Variants in TENM4 observed in about 807,000 individuals in gnomAD.
TENM4 encodes the protein teneurin-4.
In TENM4, 82 loss-of-function variants were observed where a neutral mutation model predicts 243.3. The observed-to-expected ratio is 0.34, with a 90% CI of 0.28 to 0.40. The LOEUF is 0.40. Among genes scored for constraint, TENM4 ranks in the 10% least tolerant of loss-of-function variants. The pLI is 1.00. For synonymous variants in TENM4, 1,412 were observed against 1,456.3 expected (o/e 0.97, Z 0.69); for missense variants, 3,138 against 3,673.3 (o/e 0.85, Z 3.77).
At chr11:79,259,501 GCATC>G (rs148800752) in intron 2 of TENM4, among the ~76,000 whole-genome samples, 21,957 of 148,238 alleles carry the variant, frequency 0.15, 1,727 homozygotes, top group African/African-American at 0.23. Flanking sequence ...ATCTATCCAT[GCATC>G]CATCCATCCA....
intron 1 of TENM4, among the ~76,000 whole-genome samples, chr11:79,345,315 C>T (rs988468077): frequency 3.9e-5 from 6 of 152,170 alleles, no homozygotes; most frequent in Non-Finnish European, 7.3e-5. Flanking sequence ...CCTGAATTTA[C>T]GTGACATTAT....
At chr11:78,659,102 ACAT>A (rs1857972383) in intron 33 of TENM4, among the ~76,000 whole-genome samples, 1 of 152,172 alleles carries the variant, frequency 6.6e-6, no homozygotes, top group Non-Finnish European at 1.5e-5. Context: ...AATGAATCAG[ACAT>A]CATCCTTGCT....
intron 2 of TENM4, among the ~76,000 whole-genome samples, chr11:79,227,345 G>A (rs1191846438): frequency 6.6e-6 from 1 of 152,134 alleles, no homozygotes; most frequent in Non-Finnish European, 1.5e-5. Context: ...TAGCTGTTTT[G>A]TCAACTGTTT....
intron 4 of TENM4, among the ~76,000 whole-genome samples, chr11:79,135,731 G>C (rs373923486): frequency 1.5e-5 from 2 of 133,756 alleles, no homozygotes; most frequent in African/African-American, 5.5e-5. Context: ...ATACATATAT[G>C]ATATATACAT....
At chr11:78,787,224 T>C in intron 15 of TENM4, 141 bp from the exon 16 acceptor site, 1 of 977,492 alleles carries the variant, frequency 1.0e-6, no homozygotes, top group Admixed American at 2.9e-5. Context: ...CTTGGCTACA[T>C]ACCTGGGCTT....
At chr11:79,102,452 G>A (rs371538955) in intron 4 of TENM4, among the ~76,000 whole-genome samples, 1 of 152,154 alleles carries the variant, frequency 6.6e-6, no homozygotes, top group East Asian at 1.9e-4. Flanking sequence ...ATATACTCTG[G>A]CTCCTGGAGA....
At chr11:79,400,274 C>T in intron 1 of TENM4, among the ~76,000 whole-genome samples, 1 of 151,910 alleles carries the variant, frequency 6.6e-6, no homozygotes, top group Non-Finnish European at 1.5e-5. Flanking sequence ...AATCCAGTCA[C>T]TGCAACTTTC....
At chr11:78,876,727 ATCTGGCTTTGTCTGCTCC>A (rs1358463834) in intron 9 of TENM4, among the ~76,000 whole-genome samples, 5 of 152,194 alleles carry the variant, frequency 3.3e-5, no homozygotes, top group African/African-American at 2.4e-5. Context: ...ACGCTAGCTT[ATCTGGCTTTGTCTGCTCC>A]TCACAGCCTG....
chr11:79,037,407 C>G (rs1859416705), intron 6 of TENM4, among the ~76,000 whole-genome samples: 1 of 152,236 alleles, frequency 6.6e-6, no homozygotes, highest in Admixed American at 6.5e-5. Flanking sequence ...TCTTATGCAT[C>G]TGGAGGGTCT....
rs531094912 is a variant in TENM4 at position 78,720,246 on chromosome 11, C to T, written c.3821+124G>A. ...TTCCTCCCATTGCAACTGATTACCC[C>T]AATCAGTTCCAATCACACAGGATTC... On this transcript the variant is annotated intron_variant, in intron 25 of 33. Transcript: ENST00000278550. The T allele has an allele frequency of 4.2e-5, 47 of 1,114,722 alleles. 1 individual carries two copies. In the African/African-American group the frequency reaches 6.7e-4, roughly 16 times the overall value. 69.1% of individuals were successfully genotyped at this position (1,114,722 alleles called of 1,614,324 possible). A position where few individuals can be genotyped will look rare whatever the true frequency, so the allele number is the denominator to read the frequency against.
chr11:79,006,821 T>C lies in TENM4; in HGVS notation c.493+57917A>G, dbSNP rs143905847. 4.1e-4 allele frequency among the ~76,000 whole-genome samples: 62 copies of C among 152,380 alleles called. No individual in the cohort carries two copies. In the East Asian group the frequency reaches 0.012, roughly 28 times the overall value. ...TCTTGTGATGGTTAATTTTTATGTG[T>C]CAACTTGGCTGGACCACAGAGCACA... On this transcript the variant is annotated intron_variant, in intron 6 of 33. Transcript: ENST00000278550.
At chr11:78,800,458 C>A (rs1187894237) in intron 15 of TENM4, among the ~76,000 whole-genome samples, 1 of 151,986 alleles carries the variant, frequency 6.6e-6, no homozygotes, top group East Asian at 1.9e-4. Flanking sequence ...GCCCAGCACA[C>A]TGTGTGGGGA....
At chr11:79,315,160 G>GC (rs1856783335) in intron 1 of TENM4, among the ~76,000 whole-genome samples, 1 of 152,106 alleles carries the variant, frequency 6.6e-6, no homozygotes, top group African/African-American at 2.4e-5. Context: ...TTACTGTAAG[G>GC]CCCCAAATAA....
chr11:79,413,229 A>G (rs1858739258), intron 1 of TENM4, among the ~76,000 whole-genome samples: 1 of 152,228 alleles, frequency 6.6e-6, no homozygotes. Flanking sequence ...ATTTCATCAC[A>G]TAGGATTCCC....
chr11:79,430,797 C>T (rs950846347), intron 1 of TENM4, among the ~76,000 whole-genome samples: 3 of 152,166 alleles, frequency 2.0e-5, no homozygotes, highest in Non-Finnish European at 4.4e-5. Flanking sequence ...ATGTCTTCTG[C>T]AATACCCCAT....
At chr11:78,918,335 T>C (rs182838314) in intron 6 of TENM4, among the ~76,000 whole-genome samples, 1 of 152,294 alleles carries the variant, frequency 6.6e-6, no homozygotes, top group East Asian at 1.9e-4. Context: ...GCTAACTTTA[T>C]TTCAATACAA....
intron 1 of TENM4, among the ~76,000 whole-genome samples, chr11:79,358,741 C>G (rs1027113718): frequency 4.8e-3 from 55 of 11,542 alleles, no homozygotes; most frequent in African/African-American, 0.019. Context: ...TTCCCTCTTC[C>G]TTTCCTTTCC....
At chr11:79,032,395 T>C (rs76691527) in intron 6 of TENM4, among the ~76,000 whole-genome samples, 2,314 of 152,236 alleles carry the variant, frequency 0.015, 51 homozygotes, top group African/African-American at 0.046. Context: ...AGCTGAAGTC[T>C]GAGAAGAAAA....
intron 6 of TENM4, among the ~76,000 whole-genome samples, chr11:79,048,853 G>A (rs1273135227): frequency 6.6e-6 from 1 of 152,088 alleles, no homozygotes; most frequent in Non-Finnish European, 1.5e-5. Context: ...GATGGGCAGG[G>A]GCCATTCTGG....
Sources: gnomAD v4.1 joint callset for allele counts (sites outside exome capture counted in the v4.1 genomes callset) on GRCh38, gnomAD v4.1.1 for gene constraint, MANE v1.5 for transcripts, NCBI Gene and HGNC (gene_info 2026-07-23, HGNC 2026-07-21) for gene names.